The following SH3GL3 variants were observed in gnomAD, a reference collection of about 807,000 sequenced individuals.
The protein encoded by SH3GL3 is SH3 domain containing GRB2 like 3, endophilin A3, also known as endophilin-A3.
A neutral mutation model predicts 47.7 loss-of-function variants in SH3GL3; 33 were observed. That is an observed-to-expected ratio of 0.69 (90% CI 0.52 to 0.92). The LOEUF (loss-of-function observed/expected upper bound fraction) is 0.92, where lower values mean the gene tolerates loss of function less well. SH3GL3 is among the 40% of genes least tolerant of loss of function. The pLI, the probability that SH3GL3 is intolerant of heterozygous loss-of-function variation, is 0.00. For synonymous variants in SH3GL3, 155 were observed against 148.8 expected, an observed-to-expected ratio of 1.04 and a Z score of -0.30; for missense variants, 363 against 417.8, an observed-to-expected ratio of 0.87 and a Z score of 1.14.
At chr15:83,623,623 G>A (rs1367707086), downstream of SH3GL3, among the ~76,000 whole-genome samples, 1 of 152,224 alleles carries the variant, frequency 6.6e-6, no homozygotes, top group Non-Finnish European at 1.5e-5. Context: ...CGGAGTGGGA[G>A]GGTTTTTCAG....
intron 1 of SH3GL3, among the ~76,000 whole-genome samples, chr15:83,513,468 C>T (rs950537301): frequency 2.0e-5 from 3 of 152,188 alleles, no homozygotes; most frequent in African/African-American, 7.2e-5. Flanking sequence ...TGGACATCTG[C>T]ATCCTGTGGT....
intron 1 of SH3GL3, among the ~76,000 whole-genome samples, chr15:83,558,336 C>T (rs1035632283): frequency 7.9e-5 from 12 of 152,116 alleles, no homozygotes; most frequent in Admixed American, 6.6e-4. Context: ...CTGGGCGTTG[C>T]GTAACTTTCA....
chr15:83,486,949 C>G (rs796108441), intron 1 of SH3GL3, among the ~76,000 whole-genome samples: 3 of 151,916 alleles, frequency 2.0e-5, no homozygotes, highest in African/African-American at 7.2e-5. Flanking sequence ...CACACCGGCC[C>G]CATCATGGGG....
At chr15:83,504,529 ACTCTGGG>A (rs1283518845) in intron 1 of SH3GL3, among the ~76,000 whole-genome samples, 1 of 152,086 alleles carries the variant, frequency 6.6e-6, no homozygotes, top group African/African-American at 2.4e-5. Flanking sequence ...TGGATGAATC[ACTCTGGG>A]GGAAGCCAGT....
intron 1 of SH3GL3, among the ~76,000 whole-genome samples, chr15:83,509,019 C>G (rs1339650096): frequency 6.6e-6 from 1 of 152,200 alleles, no homozygotes; most frequent in Non-Finnish European, 1.5e-5. Context: ...GTGCATTGAG[C>G]AATTGGTAAG....
chr15:83,521,532 C>T (rs886181197), intron 1 of SH3GL3, among the ~76,000 whole-genome samples: 3 of 152,086 alleles, frequency 2.0e-5, no homozygotes, highest in Admixed American at 6.6e-5. Context: ...GAAGGATGAC[C>T]GTCAAGGCTA....
At chr15:83,577,721 C>T (rs2059721277) in intron 6 of SH3GL3, among the ~76,000 whole-genome samples, 1 of 152,162 alleles carries the variant, frequency 6.6e-6, no homozygotes, top group Non-Finnish European at 1.5e-5. Flanking sequence ...CTTGAGGAGT[C>T]CTGTTTATCC....
chr15:83,473,758 A>T (rs555840780), intron 1 of SH3GL3, among the ~76,000 whole-genome samples: 8 of 151,458 alleles, frequency 5.3e-5, no homozygotes, highest in African/African-American at 1.7e-4. Flanking sequence ...CGTGTTAGCC[A>T]GGATGGTCTC....
chr15:83,568,489 C>T (rs777297138), intron 3 of SH3GL3, 40 bp from the exon 4 acceptor site: 2 of 1,571,978 alleles, frequency 1.3e-6, no homozygotes. Flanking sequence ...GTCACTCCAC[C>T]TTGTAACTTT....
At position 83,606,562 on chromosome 15, in the gene SH3GL3, T is replaced by C. The variant is rs1026688716; in HGVS notation, c.839-11520T>C. Among the ~76,000 whole-genome samples, 4 of 152,212 alleles carry C rather than the reference T, an allele frequency of 2.6e-5. No homozygotes were observed. The East Asian group carries it at 7.7e-4, about 29-fold the overall frequency. On this transcript the variant is annotated intron_variant, in intron 8 of 8. Transcript: ENST00000427482. ...CATTTCTCTTCTTTCCTTCCTCCTC[T>C]TTTCTTCTATTCCCCTTCTCCACTA...
At chr15:83,526,268 A>C (rs963347291) in intron 1 of SH3GL3, among the ~76,000 whole-genome samples, 1 of 152,196 alleles carries the variant, frequency 6.6e-6, no homozygotes, top group South Asian at 2.1e-4. Flanking sequence ...GATTCCTCAG[A>C]GAGCTAAAAA....
chr15:83,587,741 C>T (rs1340703137), intron 7 of SH3GL3, among the ~76,000 whole-genome samples: 2 of 152,026 alleles, frequency 1.3e-5, no homozygotes, highest in African/African-American at 4.8e-5. Flanking sequence ...TAGATGTAGT[C>T]TATACTTTTC....
intron 1 of SH3GL3, among the ~76,000 whole-genome samples, chr15:83,548,690 G>A (rs898201341): frequency 6.6e-6 from 1 of 152,014 alleles, no homozygotes; most frequent in South Asian, 2.1e-4. Flanking sequence ...TTGCTCCTTT[G>A]AATGCAATGT....
chr15:83,611,722 G>T (rs1238160618), intron 8 of SH3GL3: 1 of 152,282 alleles, frequency 6.6e-6, no homozygotes, highest in Non-Finnish European at 1.5e-5. Context: ...TTTCTTACGA[G>T]ACGTTTTCAG....
chr15:83,527,833 G>C (rs905074482), intron 1 of SH3GL3, among the ~76,000 whole-genome samples: 2 of 152,058 alleles, frequency 1.3e-5, no homozygotes, highest in Non-Finnish European at 2.9e-5. Context: ...GTCTTCTGTA[G>C]TGGTAACATT....
the SH3GL3 span, among the ~76,000 whole-genome samples, chr15:83,625,958 G>A: frequency 2.6e-5 from 4 of 152,028 alleles, no homozygotes; most frequent in African/African-American, 9.7e-5. Context: ...TCAGCCTCCC[G>A]AGTAGCCGGG....
chr15:83,533,855 T>C (rs554416049), intron 1 of SH3GL3, among the ~76,000 whole-genome samples: 22 of 152,332 alleles, frequency 1.4e-4, no homozygotes, highest in African/African-American at 4.8e-4. Flanking sequence ...CCCATTTCCT[T>C]GCTGAGCCAA....
the SH3GL3 span, among the ~76,000 whole-genome samples, chr15:83,628,531 T>C: frequency 6.6e-6 from 1 of 152,046 alleles, no homozygotes; most frequent in African/African-American, 2.4e-5. Flanking sequence ...TCACATGAGG[T>C]CAGGAGTCCG....
At chr15:83,560,552 G>A (rs1269772432) in intron 2 of SH3GL3, among the ~76,000 whole-genome samples, 1 of 152,054 alleles carries the variant, frequency 6.6e-6, no homozygotes, top group Non-Finnish European at 1.5e-5. Context: ...AAATTTAAAA[G>A]CATTTTTCCA....
Sources: allele counts gnomAD v4.1 joint callset (sites outside exome capture counted in the v4.1 genomes callset), GRCh38; gene constraint gnomAD v4.1.1; transcripts MANE v1.5; gene names NCBI Gene and HGNC (gene_info 2026-07-23, HGNC 2026-07-21).